Variants in PDLIM1 observed in about 807,000 individuals in gnomAD.
The protein encoded by PDLIM1 is PDZ and LIM domain protein 1.
Under a neutral mutation model 35.2 loss-of-function variants are expected in PDLIM1, and 25 were observed. That is an observed-to-expected ratio of 0.71 (90% CI 0.52 to 0.99). The LOEUF is 0.99. Among genes scored for constraint, PDLIM1 ranks in the 50% least tolerant of loss-of-function variants. The pLI, the probability that PDLIM1 is intolerant of heterozygous loss-of-function variation, is 0.00. For missense variants in PDLIM1, 363 were observed against 415.3 expected, an observed-to-expected ratio of 0.87 and a Z score of 1.09; for synonymous variants, 152 against 154.0, an observed-to-expected ratio of 0.99 and a Z score of 0.10.
chr10:95,241,235 T>C (rs1415808036), intron 5 of PDLIM1, among the ~76,000 whole-genome samples: 1 of 152,194 alleles, frequency 6.6e-6, no homozygotes, highest in African/African-American at 2.4e-5. Flanking sequence ...GTTCACACAA[T>C]GGACATTTAT....
chr10:95,245,225 G>A (rs1372015730), intron 5 of PDLIM1, among the ~76,000 whole-genome samples: 1 of 152,260 alleles, frequency 6.6e-6, no homozygotes, highest in Non-Finnish European at 1.5e-5. Context: ...GAGTAGTGTG[G>A]GACTTCTGGG....
At chr10:95,261,734 C>T (rs1219560096) in intron 4 of PDLIM1, among the ~76,000 whole-genome samples, 1 of 152,148 alleles carries the variant, frequency 6.6e-6, no homozygotes, top group Non-Finnish European at 1.5e-5. Flanking sequence ...GTCAGCTGGG[C>T]GCAGTGGCTC....
intron 5 of PDLIM1, among the ~76,000 whole-genome samples, chr10:95,239,970 T>C (rs2035162986): frequency 6.6e-6 from 1 of 152,098 alleles, no homozygotes. Flanking sequence ...TGAATGGCTA[T>C]TATTAAAAAG....
Position 95,290,766 on chromosome 10 carries a change from C to T in PDLIM1, c.96+54G>A, listed in dbSNP as rs2035646562. The T allele has an allele frequency of 1.5e-6, 2 of 1,316,728 alleles. No homozygotes were observed. Among genetic ancestry groups the T allele is most frequent in the Admixed American group, 2.2e-5 (1 of 44,820 alleles). 81.6% of individuals were successfully genotyped at this position (1,316,728 alleles called of 1,614,324 possible). A position where few individuals can be genotyped will look rare whatever the true frequency, so the allele number is the denominator to read the frequency against. On this transcript the variant is annotated intron_variant, in intron 1 of 6. Transcript: ENST00000329399. This position sits in a 1 kb window ranked among gnomAD's most constrained non-coding sequence, Gnocchi z 4.7. ...ACCGCGCCCGCGGGGCCCCAGTCTC[C>T]GCATATCACCTCCCATAGCGCCCCG...
Position 95,264,167 on chromosome 10 carries a change from A to T in PDLIM1, c.334-104T>A. ...AGGGAGAGGTGTTCCAGCTGCTAAG[A>T]TGGCCCTAGTTCAACCCAAACTTTA... On this transcript the variant is annotated intron_variant, in intron 3 of 6. Coordinates refer to ENST00000329399, the MANE Select transcript of PDLIM1 (RefSeq NM_020992.4). 6 of 938,706 alleles carry T rather than the reference A, an allele frequency of 6.4e-6. 1 individual carries two copies. In the South Asian group the frequency reaches 7.6e-5, roughly 12 times the overall value. The allele number at this position is 938,706 out of a possible 1,614,324, so 58.1% of individuals were successfully genotyped here. A position where few individuals can be genotyped will look rare whatever the true frequency, so the allele number is the denominator to read the frequency against.
chr10:95,251,638 T>C (rs1401159934), intron 4 of PDLIM1, among the ~76,000 whole-genome samples: 7 of 152,158 alleles, frequency 4.6e-5, no homozygotes, highest in African/African-American at 1.4e-4. Flanking sequence ...GAGATAAAAA[T>C]TGGAATAGAA....
chr10:95,271,677 G>C lies in PDLIM1; in HGVS notation c.204C>G (p.Asn68Lys). 8 of 1,611,828 alleles carry C rather than the reference G, an allele frequency of 5.0e-6. No individual in the cohort carries two copies. The highest frequency in any genetic ancestry group is 6.8e-6 in the Non-Finnish European group (8 of 1,179,214). Residue 68 changes from asparagine to lysine, a missense_variant, in exon 2 of 7, where the codon AAC (asparagine) becomes AAG (lysine). Coordinates refer to ENST00000329399, the MANE Select transcript of PDLIM1 (RefSeq NM_020992.4). ...AGTTGTCTGTGCAGCCTTTGATTCT[G>C]TTCTGAGCTTCCAAGTGTGTCATAT... ...TSNMTHLEAQ[N>K]RIKGCTDNLT...
chr10:95,247,168 C>A, intron 5 of PDLIM1, 47 bp downstream of exon 5: 2 of 1,567,100 alleles, frequency 1.3e-6, no homozygotes, highest in Non-Finnish European at 1.7e-6. Flanking sequence ...CTGACTCTCA[C>A]ATCTGACCTT....
At chr10:95,281,387 C>T (rs747356366) in intron 1 of PDLIM1, among the ~76,000 whole-genome samples, 5 of 151,926 alleles carry the variant, frequency 3.3e-5, no homozygotes, top group African/African-American at 9.7e-5. Context: ...GAAACTAGTC[C>T]GGGCAACACA....
At chr10:95,281,558 T>G (rs560637896) in intron 1 of PDLIM1, among the ~76,000 whole-genome samples, 28 of 152,322 alleles carry the variant, frequency 1.8e-4, no homozygotes, top group African/African-American at 6.5e-4. Context: ...TAGAGCAGGA[T>G]GCTGTCTCAA....
At chr10:95,247,035 A>G (rs923665562) in intron 5 of PDLIM1, among the ~76,000 whole-genome samples, 180 bp downstream of exon 5, 1 of 151,758 alleles carries the variant, frequency 6.6e-6, no homozygotes, top group Admixed American at 6.6e-5. Flanking sequence ...AAATGTGGTC[A>G]GCACTCTCTT....
At chr10:95,277,447 C>G (rs1441877597) in intron 1 of PDLIM1, among the ~76,000 whole-genome samples, 2 of 152,016 alleles carry the variant, frequency 1.3e-5, no homozygotes, top group Non-Finnish European at 2.9e-5. Context: ...CAAGACCAGC[C>G]TGGCCAACAT....
intron 5 of PDLIM1, among the ~76,000 whole-genome samples, chr10:95,240,505 G>A (rs754091036): frequency 6.6e-6 from 1 of 152,166 alleles, no homozygotes; most frequent in South Asian, 2.1e-4. Context: ...GGTGGGGAGT[G>A]GGGGAAGGAG....
chr10:95,258,945 C>A (rs2035338978), intron 4 of PDLIM1, among the ~76,000 whole-genome samples: 1 of 151,890 alleles, frequency 6.6e-6, no homozygotes, highest in African/African-American at 2.4e-5. Context: ...AAAGCTAATC[C>A]CAGGTTACAT....
intron 1 of PDLIM1, among the ~76,000 whole-genome samples, 175 bp from the exon 2 acceptor site, chr10:95,271,959 A>C (rs12761249): frequency 0.14 from 21,414 of 152,188 alleles, 1,719 homozygotes; most frequent in African/African-American, 0.22. Flanking sequence ...GGCTTTTCTA[A>C]TATGATCTCA....
intron 4 of PDLIM1, among the ~76,000 whole-genome samples, chr10:95,263,035 C>T (rs140320706): frequency 1.3e-5 from 2 of 151,770 alleles, no homozygotes; most frequent in African/African-American, 4.8e-5. Context: ...GTACCAGCTA[C>T]TCAGGAGGCT....
intron 1 of PDLIM1, among the ~76,000 whole-genome samples, chr10:95,289,656 C>T (rs946862950): frequency 6.6e-6 from 1 of 152,212 alleles, no homozygotes; most frequent in African/African-American, 2.4e-5. Flanking sequence ...TCAAAAGGAT[C>T]CATAAGGATA....
chr10:95,242,277 G>C (rs1019312787), intron 5 of PDLIM1, among the ~76,000 whole-genome samples: 12 of 152,158 alleles, frequency 7.9e-5, no homozygotes, highest in African/African-American at 2.9e-4. Context: ...CCTTTGGGAG[G>C]AGGCCAAAGT....
At chr10:95,255,608 A>T (rs1303785270) in intron 4 of PDLIM1, among the ~76,000 whole-genome samples, 1 of 152,194 alleles carries the variant, frequency 6.6e-6, no homozygotes, top group African/African-American at 2.4e-5. Flanking sequence ...TACTCAACAA[A>T]ACAGGAATGA....
Sources: gnomAD v4.1 joint callset for allele counts (sites outside exome capture counted in the v4.1 genomes callset) on GRCh38, gnomAD v4.1.1 for gene constraint, Gnocchi (gnomAD v3.1) non-coding constraint, MANE v1.5 for transcripts, NCBI Gene and HGNC (gene_info 2026-07-23, HGNC 2026-07-21) for gene names.